The following ERC2 variants were observed in gnomAD, a reference collection of about 807,000 sequenced individuals.
ERC2 encodes ERC protein 2.
A neutral mutation model predicts 114.8 loss-of-function variants in ERC2; 42 were observed. The ratio of observed to expected loss-of-function variants is 0.37; its 90% CI spans 0.29 to 0.47. ERC2 has a LOEUF of 0.47. Among genes scored for constraint, ERC2 ranks in the 20% least tolerant of loss-of-function variants. The pLI, the probability that ERC2 is intolerant of heterozygous loss-of-function variation, is 0.99. For missense variants in ERC2, 939 were observed against 1,150.7 expected (o/e 0.82, Z 2.66); for synonymous variants, 454 against 425.5 (o/e 1.07, Z -0.82).
intron 2 of ERC2, among the ~76,000 whole-genome samples, chr3:56,371,573 C>T (rs968597834): frequency 1.3e-5 from 2 of 152,308 alleles, no homozygotes; most frequent in Non-Finnish European, 2.9e-5. Flanking sequence ...CATGCATGCA[C>T]ACACAGTTAA....
intron 3 of ERC2, among the ~76,000 whole-genome samples, chr3:56,278,797 G>A (rs1412471949): frequency 2.6e-5 from 4 of 152,124 alleles, no homozygotes; most frequent in African/African-American, 7.2e-5. Flanking sequence ...GAGAAAGGAG[G>A]AGGTGCCAGT....
chr3:56,428,867 A>G (rs183962888), intron 2 of ERC2, among the ~76,000 whole-genome samples: 1 of 152,336 alleles, frequency 6.6e-6, no homozygotes, highest in East Asian at 1.9e-4. Context: ...ACCTTGTCCC[A>G]CTTCTGCACA....
In ERC2 at chr3:56,399,440, G is replaced by A. The variant is rs187759393; in HGVS notation, c.657+34911C>T. Among the ~76,000 whole-genome samples, 15 of 152,136 alleles carry A rather than the reference G, an allele frequency of 9.9e-5. 1 individual carries two copies. In the South Asian group the frequency reaches 1.9e-3, roughly 19 times the overall value. ...CATAGTAGTTGATAATGTCAATGTC[G>A]GCATGGGGAACCAAGCTGAAAATCT... On this transcript the variant is annotated intron_variant, in intron 2 of 17. Transcript: ENST00000288221.
intron 17 of ERC2, among the ~76,000 whole-genome samples, chr3:55,559,539 A>T (rs776784111): frequency 2.6e-5 from 4 of 152,216 alleles, no homozygotes; most frequent in Non-Finnish European, 5.9e-5. Flanking sequence ...CAGACAACAC[A>T]TGTGTCCCCA....
At chr3:56,135,605 A>C (rs1370656865) in intron 6 of ERC2, among the ~76,000 whole-genome samples, 2 of 152,324 alleles carry the variant, frequency 1.3e-5, no homozygotes, top group East Asian at 3.9e-4. Flanking sequence ...GGCTGATACA[A>C]TGACTGCCAT....
chr3:55,521,097 G>A lies in ERC2; in HGVS notation c.*40-9821C>T, dbSNP rs116704857. ...CAATTAGTCTCCAGGATTTGAAGGC[G>A]CCCTTCCCGCCTCACTGAGGTGGAA... On this transcript the variant is annotated intron_variant, in intron 17 of 17. Coordinates refer to ENST00000288221, the MANE Select transcript of ERC2 (RefSeq NM_015576.3). Among the ~76,000 whole-genome samples, 6 of 152,314 alleles carry A rather than the reference G, an allele frequency of 3.9e-5. No homozygotes were observed. The South Asian group carries it at 1.2e-3, about 32-fold the overall frequency.
At chr3:55,824,106 T>C (rs375671828) in intron 14 of ERC2, among the ~76,000 whole-genome samples, 2 of 152,186 alleles carry the variant, frequency 1.3e-5, no homozygotes, top group African/African-American at 4.8e-5. Flanking sequence ...TCATATTGGA[T>C]TAGGGCCCTC....
chr3:56,038,344 A>T (rs1243239857), intron 7 of ERC2, among the ~76,000 whole-genome samples: 2 of 152,188 alleles, frequency 1.3e-5, no homozygotes, highest in African/African-American at 2.4e-5. Flanking sequence ...GCTCAACATC[A>T]CTTATCATTA....
At chr3:56,075,576 GTTGT>G (rs1032661245) in intron 7 of ERC2, among the ~76,000 whole-genome samples, 3 of 152,122 alleles carry the variant, frequency 2.0e-5, no homozygotes, top group Non-Finnish European at 2.9e-5. Flanking sequence ...CGTGCCATAT[GTTGT>G]TCTCCACTGC....
Position 56,457,961 on chromosome 3 carries a change from T to C in ERC2, c.-141+10287A>G, listed in dbSNP as rs189252328. On this transcript the variant is annotated intron_variant, in intron 1 of 17. Coordinates refer to ENST00000288221, the MANE Select transcript of ERC2 (RefSeq NM_015576.3). ...GAGCATCCATTATTGCCTGCTTACT[T>C]GTTTGGTGCTCCACTGGATACTACA... 5.3e-5 allele frequency among the ~76,000 whole-genome samples: 8 copies of C among 152,310 alleles called. No homozygotes were observed. The East Asian group carries it at 1.5e-3, about 29-fold the overall frequency.
intron 3 of ERC2, among the ~76,000 whole-genome samples, chr3:56,280,946 T>C (rs1408337451): frequency 6.6e-6 from 1 of 152,182 alleles, no homozygotes; most frequent in Admixed American, 6.5e-5. Flanking sequence ...GCTTGGCACT[T>C]AGTTGAGTGC....
chr3:56,048,070 A>AT (rs760389894), intron 7 of ERC2, among the ~76,000 whole-genome samples: 13 of 152,208 alleles, frequency 8.5e-5, no homozygotes, highest in Non-Finnish European at 1.5e-4. Flanking sequence ...AATAAGAACA[A>AT]TTTTTTAAAA....
At position 55,819,937 on chromosome 3, in the gene ERC2, G is replaced by A. The variant is rs143900693; in HGVS notation, c.2564+68452C>T. Among the ~76,000 whole-genome samples, 536 of 152,338 alleles carry A rather than the reference G, an allele frequency of 3.5e-3. 6 individuals carry two copies. The highest frequency in any genetic ancestry group is 0.012 in the African/African-American group (503 of 41,574). ...ACTTGCAGGTGCATTTTGGCTGCGT[G>A]CAATGGAGGGGGGTTCCCAATTAGC... On this transcript the variant is annotated intron_variant, in intron 14 of 17. Coordinates refer to ENST00000288221, the MANE Select transcript of ERC2 (RefSeq NM_015576.3).
rs116149851 is a variant in ERC2 at position 55,868,790 on chromosome 3, C to T, written c.2564+19599G>A. ...AAGGTTTTATATTCTTTTTTAAAAT[C>T]GTATTATTTCAAGTATTGAAATAAG... On this transcript the variant is annotated intron_variant, in intron 14 of 17. Coordinates refer to ENST00000288221, the MANE Select transcript of ERC2 (RefSeq NM_015576.3). Among the ~76,000 whole-genome samples, 1,082 of 152,236 alleles carry T rather than the reference C, an allele frequency of 7.1e-3. 5 individuals carry two copies. The highest frequency in any genetic ancestry group is 0.012 in the Non-Finnish European group (831 of 68,008).
At chr3:55,660,955 C>T (rs1559463763) in intron 17 of ERC2, among the ~76,000 whole-genome samples, 1 of 152,132 alleles carries the variant, frequency 6.6e-6, no homozygotes, top group Admixed American at 6.5e-5. Flanking sequence ...GAGGTAAGCA[C>T]CTAGAAAATG....
At chr3:55,762,667 A>C (rs1444862753) in intron 14 of ERC2, among the ~76,000 whole-genome samples, 1 of 152,244 alleles carries the variant, frequency 6.6e-6, no homozygotes, top group Non-Finnish European at 1.5e-5. Context: ...ACTTGAAGGC[A>C]GTGTGGCTCA....
At chr3:55,807,208 A>T (rs764893031) in intron 14 of ERC2, among the ~76,000 whole-genome samples, 1 of 152,238 alleles carries the variant, frequency 6.6e-6, no homozygotes, top group Non-Finnish European at 1.5e-5. Flanking sequence ...ACCAGGCACT[A>T]GAGTAAAAGT....
chr3:55,676,052 C>T (rs1272499381), intron 17 of ERC2, among the ~76,000 whole-genome samples: 1 of 151,526 alleles, frequency 6.6e-6, no homozygotes, highest in Non-Finnish European at 1.5e-5. Context: ...TCCCAGGTAG[C>T]TGGGAATACA....
At chr3:56,142,825 A>G (rs1250116584) in intron 5 of ERC2, among the ~76,000 whole-genome samples, 1 of 147,252 alleles carries the variant, frequency 6.8e-6, no homozygotes, top group East Asian at 1.9e-4. Flanking sequence ...TTTTTTTGGT[A>G]CTGTGTACTA....
Sources: gnomAD v4.1 joint callset for allele counts (sites outside exome capture counted in the v4.1 genomes callset) on GRCh38, gnomAD v4.1.1 for gene constraint, MANE v1.5 for transcripts, NCBI Gene and HGNC (gene_info 2026-07-23, HGNC 2026-07-21) for gene names.